The following PLCG2 variants were observed in gnomAD, a reference collection of about 807,000 sequenced individuals.
PLCG2 encodes 1-phosphatidylinositol 4,5-bisphosphate phosphodiesterase gamma-2.
In PLCG2, 69 loss-of-function variants were observed where a neutral mutation model predicts 175.6. That is an observed-to-expected ratio of 0.39 (90% CI 0.32 to 0.48). PLCG2 has a LOEUF of 0.48. Ranked by LOEUF, PLCG2 falls within the 20% of genes least tolerant of loss-of-function variation. PLCG2 has a pLI of 0.91. For missense variants in PLCG2, 1,798 were observed against 1,650.9 expected (o/e 1.09, Z -1.54); for synonymous variants, 827 against 624.0 (o/e 1.33, Z -4.85).
chr16:81,889,091 T>G, intron 9 of PLCG2, 81 bp from the exon 10 acceptor site: 1 of 823,846 alleles, frequency 1.2e-6, no homozygotes, highest in Non-Finnish European at 2.0e-6. Flanking sequence ...AGTCTTCGAT[T>G]GCGACTGGAT....
rs969595645 is a variant in PLCG2 at position 81,884,816 on chromosome 16, C to T, written c.765+1475C>T. On this transcript the variant is annotated intron_variant, in intron 9 of 32. Transcript: ENST00000564138. Reference sequence around the variant, plus strand: ...TCTTGCAGAACATTTCAAACATACACAAAAGCAGACAGACGGTTTAATGAA... The same window carrying T: ...TCTTGCAGAACATTTCAAACATACATAAAAGCAGACAGACGGTTTAATGAA... Among the ~76,000 whole-genome samples the T allele has an allele frequency of 7.2e-5, 11 of 152,148 alleles. No homozygotes were observed. In the South Asian group the frequency reaches 2.3e-3, roughly 31 times the overall value.
At chr16:81,780,537 T>C (rs887941925) in intron 1 of PLCG2, among the ~76,000 whole-genome samples, 2 of 152,168 alleles carry the variant, frequency 1.3e-5, no homozygotes, top group Non-Finnish European at 2.9e-5. Flanking sequence ...TGCAGTCACG[T>C]GTATACCAGC....
In PLCG2 at chr16:81,908,522, G is replaced by C; in HGVS notation, c.1664G>C (p.Gly555Ala). 1 of 1,613,906 alleles carries C rather than the reference G, an allele frequency of 6.2e-7. No individual in the cohort carries two copies. Residue 555 changes from glycine to alanine, a missense_variant, in exon 17 of 33, where the codon GGG becomes GCG. Physicochemically the swap from Gly to Ala is moderately conservative, Grantham distance 60. Transcript: ENST00000564138. ...CTGCAGGAATACTGCATGGAGACGG[G>C]GGGCAAGGATGGCACCTTCCTGGTT... ...KLLQEYCMETGGKDGTFLVRE... is the reference protein window; with the variant it reads ...KLLQEYCMETAGKDGTFLVRE...
At chr16:81,862,740 T>C (rs1907043684) in intron 5 of PLCG2, among the ~76,000 whole-genome samples, 1 of 151,950 alleles carries the variant, frequency 6.6e-6, no homozygotes, top group Non-Finnish European at 1.5e-5. Context: ...GGTGTAGTGG[T>C]GCACATTTGT....
At chr16:81,862,845 C>T (rs1445181781) in intron 5 of PLCG2, among the ~76,000 whole-genome samples, 3 of 152,096 alleles carry the variant, frequency 2.0e-5, no homozygotes, top group African/African-American at 7.2e-5. Context: ...GAGCTCCAGC[C>T]TGGGCAACAG....
intron 8 of PLCG2, among the ~76,000 whole-genome samples, chr16:81,881,564 C>G (rs538530562): frequency 3.9e-5 from 6 of 152,212 alleles, no homozygotes; most frequent in Admixed American, 6.5e-5. Flanking sequence ...CAGTCTTTAT[C>G]GGTGAGCAAC....
Position 81,931,715 on chromosome 16 carries a change from T to C in PLCG2, c.2739+61T>C, listed in dbSNP as rs554346390. ...GCATTCTGAGGGCTTTGGTGCTCAG[T>C]TGGGACTGTGGGTGGGTCCAGGCAG... On this transcript the variant is annotated intron_variant, in intron 25 of 32. Transcript: ENST00000564138. 14 of 1,505,946 alleles carry C rather than the reference T, an allele frequency of 9.3e-6. No homozygotes were observed. In the East Asian group the frequency reaches 1.6e-4, roughly 17 times the overall value. The allele number at this position is 1,505,946 out of a possible 1,614,324, so 93.3% of individuals were successfully genotyped here.
chr16:81,897,291 C>A (rs746509530), intron 13 of PLCG2, among the ~76,000 whole-genome samples: 3 of 152,178 alleles, frequency 2.0e-5, no homozygotes, highest in Admixed American at 6.5e-5. Context: ...ATAGCAGTTA[C>A]GAGTATGGGT....
intron 2 of PLCG2, among the ~76,000 whole-genome samples, chr16:81,807,324 T>A (rs1388923217): frequency 6.6e-6 from 1 of 152,116 alleles, no homozygotes; most frequent in Non-Finnish European, 1.5e-5. Context: ...GCAGTGTGCA[T>A]CTCTGCGAGG....
At chr16:81,907,628 T>C (rs1909432475) in intron 15 of PLCG2, 57 bp from the exon 16 acceptor site, 3 of 1,272,798 alleles carry the variant, frequency 2.4e-6, no homozygotes, top group East Asian at 2.3e-5. Context: ...GCTCCTGGGC[T>C]CCACAGTTGA....
At chr16:81,836,017 A>G (rs557724630) in intron 2 of PLCG2, among the ~76,000 whole-genome samples, 2 of 152,332 alleles carry the variant, frequency 1.3e-5, no homozygotes, top group African/African-American at 4.8e-5. Context: ...AGAAGGCCAC[A>G]TTCACACATA....
intron 24 of PLCG2, 45 bp downstream of exon 24, chr16:81,928,669 C>A (rs752063283): frequency 7.4e-7 from 1 of 1,355,590 alleles, no homozygotes; most frequent in Non-Finnish European, 1.1e-6. Context: ...CCCCTATCCC[C>A]CATGGGCTGA....
intron 9 of PLCG2, among the ~76,000 whole-genome samples, chr16:81,887,366 A>G (rs566474914): frequency 1.3e-5 from 2 of 151,868 alleles, no homozygotes; most frequent in Non-Finnish European, 2.9e-5. Context: ...TGATCCGCCC[A>G]CCTCGGCCTC....
chr16:81,923,204 C>T lies in PLCG2; in HGVS notation c.2308-281C>T, dbSNP rs115951920. 6.3e-3 allele frequency among the ~76,000 whole-genome samples: 955 copies of T among 150,894 alleles called. 11 individuals are homozygous for T. Among genetic ancestry groups the T allele is most frequent in the African/African-American group, 0.021 (860 of 41,078 alleles). On this transcript the variant is annotated intron_variant, in intron 21 of 32. Transcript: ENST00000564138. ...ACCCTAAGCCTAACCCTAACCCCAG[C>T]GCTAAACCCTAGCCCCAAACCCTAA... is the stretch of plus-strand genomic sequence containing the variant.
intron 7 of PLCG2, among the ~76,000 whole-genome samples, chr16:81,877,627 C>T (rs1035995743): frequency 1.3e-5 from 2 of 152,196 alleles, no homozygotes; most frequent in Non-Finnish European, 2.9e-5. Context: ...AAGCATTCCT[C>T]GGAGTGTGGA....
chr16:81,763,776 G>A (rs1910088238), intron 2 of PLCG2, among the ~76,000 whole-genome samples: 1 of 152,004 alleles, frequency 6.6e-6, no homozygotes, highest in South Asian at 2.1e-4. Flanking sequence ...AGACCAGCCT[G>A]GCCAACATGG....
chr16:81,883,754 CT>C (rs1421718947), intron 9 of PLCG2, among the ~76,000 whole-genome samples: 1 of 152,218 alleles, frequency 6.6e-6, no homozygotes, highest in African/African-American at 2.4e-5. Flanking sequence ...TTCATCAAGC[CT>C]GCCAGGTCCC....
In PLCG2 at chr16:81,905,484, T is replaced by C. The variant is rs187956469; in HGVS notation, c.1444T>C (p.Tyr482His). The change falls in exon 15 of 33, where the codon TAC (tyrosine) becomes CAC (histidine). Residue 482 changes from tyrosine to histidine, a missense_variant. Transcript: ENST00000564138. ...CGAACACAAGCAACAGGGGGAGCTG[T>C]ACATGTGGGATTCCATTGACCAGGT... Reference protein sequence around the residue: ...KDEHKQQGELYMWDSIDQKWT... With the variant: ...KDEHKQQGELHMWDSIDQKWT... The C allele has an allele frequency of 3.9e-3, 6,249 of 1,613,982 alleles. 25 individuals carry two copies. Among genetic ancestry groups the C allele is most frequent in the Middle Eastern group, 6.8e-3 (41 of 6,062 alleles).
At chr16:81,917,520 CA>C (rs1432725265) in intron 19 of PLCG2, among the ~76,000 whole-genome samples, 1 of 152,168 alleles carries the variant, frequency 6.6e-6, no homozygotes, top group Non-Finnish European at 1.5e-5. Flanking sequence ...CCACCAGGTG[CA>C]GGGGTCCCCT....
Sources: allele counts gnomAD v4.1 joint callset (sites outside exome capture counted in the v4.1 genomes callset), GRCh38; gene constraint gnomAD v4.1.1; transcripts MANE v1.5; gene names NCBI Gene and HGNC (gene_info 2026-07-23, HGNC 2026-07-21).